Variants in MSH4 observed in about 807,000 individuals in gnomAD.
MSH4 encodes the protein mutS protein homolog 4.
A neutral mutation model predicts 113.7 loss-of-function variants in MSH4; 106 were observed. The observed-to-expected ratio is 0.93, with a 90% CI of 0.80 to 1.10. The LOEUF (loss-of-function observed/expected upper bound fraction) is 1.10, where lower values mean the gene tolerates loss of function less well. Ranked by LOEUF, MSH4 falls within the 50% of genes least tolerant of loss-of-function variation. MSH4 has a pLI of 0.00. For missense variants in MSH4, 1,061 were observed against 1,093.7 expected, an observed-to-expected ratio of 0.97 and a Z score of 0.42; for synonymous variants, 368 against 380.2, an observed-to-expected ratio of 0.97 and a Z score of 0.37.
intron 9 of MSH4, among the ~76,000 whole-genome samples, chr1:75,870,241 A>G (rs12021855): frequency 0.75 from 114,609 of 152,170 alleles, 43,310 homozygotes; most frequent in East Asian, 0.98. Context: ...CTGTACCCCA[A>G]TTGTATCTAG....
At chr1:75,886,666 A>G (rs1231047245) in intron 15 of MSH4, among the ~76,000 whole-genome samples, 2 of 132,984 alleles carry the variant, frequency 1.5e-5, no homozygotes, top group Admixed American at 8.3e-5. Context: ...AAATATATAC[A>G]TTATACATTA....
At chr1:75,853,783 G>T (rs890995014) in intron 8 of MSH4, among the ~76,000 whole-genome samples, 1 of 151,880 alleles carries the variant, frequency 6.6e-6, no homozygotes, top group Non-Finnish European at 1.5e-5. Context: ...CTTTGGAAAT[G>T]CATCCACAAT....
rs139719496 is a variant in MSH4 at position 75,871,001 on chromosome 1, T to C, written c.1305+3413T>C. ...ACAGTTTATTAGTCTGTTTTCATAC[T>C]GCTATAAAGAACTACCAAAGACTGG... On this transcript the variant is annotated intron_variant, in intron 9 of 19. Transcript: ENST00000263187. Among the ~76,000 whole-genome samples, 22 of 152,314 alleles carry C rather than the reference T, an allele frequency of 1.4e-4. No homozygotes were observed. In the East Asian group the frequency reaches 4.1e-3, roughly 28 times the overall value.
At chr1:75,893,715 AC>A (rs1458604946) in intron 17 of MSH4, among the ~76,000 whole-genome samples, 1 of 152,180 alleles carries the variant, frequency 6.6e-6, no homozygotes, top group East Asian at 1.9e-4. Context: ...TGAATTTTCT[AC>A]TTTATACAGA....
rs528049855 is a variant in MSH4, at chr1:75,908,863, A to G, written c.2620-3833A>G. ...CTGGCAAATGTTTGCAGTACTACAC[A>G]TCTCAGATGGTAGGGTTCTTAGAGG... On this transcript the variant is annotated intron_variant, in intron 19 of 19. Transcript: ENST00000263187. Among the ~76,000 whole-genome samples the G allele has an allele frequency of 3.3e-5, 5 of 152,290 alleles. No individual in the cohort carries two copies. In the East Asian group the frequency reaches 5.8e-4, roughly 18 times the overall value.
At chr1:75,797,785 A>G (rs1221531170) in intron 1 of MSH4, among the ~76,000 whole-genome samples, 1 of 152,012 alleles carries the variant, frequency 6.6e-6, no homozygotes, top group African/African-American at 2.4e-5. Flanking sequence ...ATCTCTACTA[A>G]AAGTACAAAA....
At chr1:75,883,886 T>A (rs887417237) in intron 15 of MSH4, 65 bp downstream of exon 15, 3 of 1,391,566 alleles carry the variant, frequency 2.2e-6, no homozygotes, top group Admixed American at 2.0e-5. Context: ...TGTGCCTAAT[T>A]TTTTTAGGGC....
intron 8 of MSH4, among the ~76,000 whole-genome samples, chr1:75,854,024 TATATGC>T (rs1244479348): frequency 2.1e-5 from 3 of 145,154 alleles, no homozygotes; most frequent in Non-Finnish European, 4.5e-5. Context: ...TATATATATA[TATATGC>T]ATAAATATAT....
chr1:75,854,039 A>G (rs779952846), intron 8 of MSH4, among the ~76,000 whole-genome samples: 1 of 147,382 alleles, frequency 6.8e-6, no homozygotes, highest in Non-Finnish European at 1.5e-5. Flanking sequence ...GCATAAATAT[A>G]TAGATATTGA....
intron 8 of MSH4, among the ~76,000 whole-genome samples, chr1:75,849,757 C>G (rs1269547970): frequency 2.0e-5 from 3 of 152,068 alleles, no homozygotes; most frequent in Non-Finnish European, 4.4e-5. Context: ...TTACATAGAA[C>G]TGGTATTATT....
rs1048369920 is a variant in MSH4 at position 75,837,953 on chromosome 1, C to T, written c.1163-10256C>T. ...TCCTATTTGGTCACCCTTCTCCAAC[C>T]TTGCTGTTTCTAGCCTTTTCTCTAC... On this transcript the variant is annotated intron_variant, in intron 7 of 19. Transcript: ENST00000263187. 2.0e-5 allele frequency among the ~76,000 whole-genome samples: 3 copies of T among 152,196 alleles called. No homozygotes were observed. The South Asian group carries it at 6.2e-4, about 31-fold the overall frequency.
rs5745514 is a variant in MSH4 at position 75,892,694 on chromosome 1, C to T, written c.2355+1870C>T. 1.9e-3 allele frequency among the ~76,000 whole-genome samples: 293 copies of T among 152,224 alleles called. 2 individuals are homozygous for T. The highest frequency in any genetic ancestry group is 6.7e-3 in the African/African-American group (279 of 41,542). ...AACTCAAGGATTCAAATTGCCAGCTCGGGCCCCCACCCAAGGGACTTCCAG... is the reference window on the plus strand; with the variant it reads ...AACTCAAGGATTCAAATTGCCAGCTTGGGCCCCCACCCAAGGGACTTCCAG... On this transcript the variant is annotated intron_variant, in intron 17 of 19. Coordinates refer to ENST00000263187, the MANE Select transcript of MSH4 (RefSeq NM_002440.4).
chr1:75,854,015 A>ATATATATATT (rs1262573811), intron 8 of MSH4, among the ~76,000 whole-genome samples: 32 of 141,416 alleles, frequency 2.3e-4, no homozygotes, highest in African/African-American at 7.8e-4. Flanking sequence ...GTGTGTGTGT[A>ATATATATATT]TATATATATA....
At chr1:75,862,862 A>G (rs1651488265) in intron 8 of MSH4, among the ~76,000 whole-genome samples, 1 of 152,286 alleles carries the variant, frequency 6.6e-6, no homozygotes, top group East Asian at 1.9e-4. Context: ...TTTTAAGAAT[A>G]TTGATTCCTA....
chr1:75,804,364 G>T lies in MSH4; in HGVS notation c.427+451G>T, dbSNP rs956429725. On this transcript the variant is annotated intron_variant, in intron 2 of 19. Transcript: ENST00000263187. ...ACAGAATTTCTTGGTTACAGGGTAA[G>T]TTATGTAAATGCATATATTTATAAG... is the stretch of plus-strand genomic sequence containing the variant. Among the ~76,000 whole-genome samples, 5 of 152,158 alleles carry T rather than the reference G, an allele frequency of 3.3e-5. No individual in the cohort carries two copies. The East Asian group carries it at 9.6e-4, about 29-fold the overall frequency.
intron 4 of MSH4, 137 bp from the exon 5 acceptor site, chr1:75,814,881 TAAC>T (rs1650264031): frequency 4.9e-6 from 3 of 611,568 alleles, no homozygotes; most frequent in Non-Finnish European, 8.7e-6. Context: ...TTTATAGAAA[TAAC>T]TAAGAAAAGT....
At chr1:75,823,452 A>AT (rs920296091) in intron 7 of MSH4, among the ~76,000 whole-genome samples, 6 of 150,770 alleles carry the variant, frequency 4.0e-5, no homozygotes, top group South Asian at 2.1e-4. Flanking sequence ...CATATTGCTA[A>AT]TTTTTTTTTT....
At chr1:75,879,237 A>G in intron 12 of MSH4, 109 bp downstream of exon 12, 1 of 914,178 alleles carries the variant, frequency 1.1e-6, no homozygotes, top group South Asian at 1.5e-5. Context: ...AATGTTCTGT[A>G]TCTTCTCCTA....
chr1:75,821,660 A>G (rs1476847776), intron 6 of MSH4, among the ~76,000 whole-genome samples: 1 of 152,186 alleles, frequency 6.6e-6, no homozygotes, highest in Non-Finnish European at 1.5e-5. Context: ...CCACACTGGA[A>G]TACAGTGGTG....
Sources: allele counts gnomAD v4.1 joint callset (sites outside exome capture counted in the v4.1 genomes callset), GRCh38; gene constraint gnomAD v4.1.1; transcripts MANE v1.5; gene names NCBI Gene and HGNC (gene_info 2026-07-23, HGNC 2026-07-21).